Variants in CSMD1 observed in about 807,000 individuals in gnomAD.
CSMD1 encodes the protein CUB and sushi domain-containing protein 1.
A neutral mutation model predicts 417.5 loss-of-function variants in CSMD1; 213 were observed. The ratio of observed to expected loss-of-function variants is 0.51; its 90% confidence interval spans 0.46 to 0.57. The LOEUF (loss-of-function observed/expected upper bound fraction) is 0.57, where lower values mean the gene tolerates loss of function less well. Ranked by LOEUF, CSMD1 falls within the 20% of genes least tolerant of loss-of-function variation. CSMD1 has a pLI of 0.00. For synonymous variants in CSMD1, 2,862 were observed against 1,736.8 expected, an observed-to-expected ratio of 1.65 and a Z score of -16.11; for missense variants, 6,923 against 4,529.7, an observed-to-expected ratio of 1.53 and a Z score of -15.17.
At chr8:4,317,829 G>C (rs999832955) in intron 3 of CSMD1, among the ~76,000 whole-genome samples, 1 of 152,104 alleles carries the variant, frequency 6.6e-6, no homozygotes, top group African/African-American at 2.4e-5. Context: ...GTAATTATTT[G>C]TTTAATGTAT....
intron 5 of CSMD1, among the ~76,000 whole-genome samples, chr8:3,904,565 G>C (rs989768695): frequency 1.3e-5 from 2 of 151,882 alleles, no homozygotes; most frequent in South Asian, 2.1e-4. Context: ...ACACACTTTG[G>C]AGAGTTGGGA....
At chr8:4,870,495 T>G (rs192335445) in intron 1 of CSMD1, among the ~76,000 whole-genome samples, 1 of 152,138 alleles carries the variant, frequency 6.6e-6, no homozygotes, top group Admixed American at 6.5e-5. Context: ...CATGTTTGGG[T>G]TTTCACTGTC....
At chr8:3,164,107 G>T (rs1176194260) in intron 37 of CSMD1, among the ~76,000 whole-genome samples, 1 of 152,142 alleles carries the variant, frequency 6.6e-6, no homozygotes, top group Non-Finnish European at 1.5e-5. Flanking sequence ...ATCTGAGAGG[G>T]CGAAATGGAG....
chr8:4,142,060 T>A (rs548468282), intron 3 of CSMD1, among the ~76,000 whole-genome samples: 1 of 100,726 alleles, frequency 9.9e-6, no homozygotes, highest in African/African-American at 2.8e-5. Context: ...AATATATAAG[T>A]TGAAAAAAAA....
In CSMD1 at chr8:3,783,211, C is replaced by T. The variant is rs538214932; in HGVS notation, c.819-29169G>A. 6.6e-5 allele frequency among the ~76,000 whole-genome samples: 10 copies of T among 152,286 alleles called. No individual in the cohort carries two copies. The East Asian group carries it at 1.9e-3, about 29-fold the overall frequency. ...GTTCAATCACCATTCTTTCTTGTTC[C>T]TGGATAGCAGTGCATGGTCAGGCCG... On this transcript the variant is annotated intron_variant, in intron 5 of 69. Transcript: ENST00000635120.
chr8:4,079,162 A>G (rs747896315), intron 3 of CSMD1, among the ~76,000 whole-genome samples: 1 of 151,982 alleles, frequency 6.6e-6, no homozygotes, highest in Non-Finnish European at 1.5e-5. Context: ...AAAAAGACAC[A>G]GTATAAATTG....
intron 2 of CSMD1, among the ~76,000 whole-genome samples, chr8:4,588,942 G>C (rs1024381874): frequency 6.6e-6 from 1 of 151,974 alleles, no homozygotes; most frequent in Non-Finnish European, 1.5e-5. Context: ...CATATACATT[G>C]CCTTTAAGTA....
At chr8:4,409,634 CTTT>C (rs201131346) in intron 3 of CSMD1, among the ~76,000 whole-genome samples, 5 of 80,348 alleles carry the variant, frequency 6.2e-5, no homozygotes, top group Admixed American at 4.0e-4. Flanking sequence ...CATTATTTGA[CTTT>C]TTTTCTTTTT....
At chr8:4,467,163 G>C (rs1279262057) in intron 2 of CSMD1, among the ~76,000 whole-genome samples, 1 of 146,574 alleles carries the variant, frequency 6.8e-6, no homozygotes, top group Non-Finnish European at 1.5e-5. Flanking sequence ...AAAAACAAAT[G>C]TTGACAACTC....
At chr8:3,703,721 G>C (rs1010884336) in intron 7 of CSMD1, among the ~76,000 whole-genome samples, 2 of 152,144 alleles carry the variant, frequency 1.3e-5, no homozygotes, top group African/African-American at 2.4e-5. Flanking sequence ...CATCTTTCAA[G>C]TGAAAAAAGC....
At chr8:4,197,802 C>T (rs1443799608) in intron 3 of CSMD1, among the ~76,000 whole-genome samples, 1 of 152,136 alleles carries the variant, frequency 6.6e-6, no homozygotes, top group Non-Finnish European at 1.5e-5. Context: ...TTGCTTGAAC[C>T]CAGGAGGCAG....
intron 3 of CSMD1, among the ~76,000 whole-genome samples, chr8:4,139,784 G>A (rs13248800): frequency 0.29 from 44,435 of 150,860 alleles, 8,324 homozygotes; most frequent in Non-Finnish European, 0.39. Context: ...TTTGCACACT[G>A]AGCTCAGTGT....
At chr8:4,541,060 C>T (rs1797360226) in intron 2 of CSMD1, among the ~76,000 whole-genome samples, 1 of 152,162 alleles carries the variant, frequency 6.6e-6, no homozygotes, top group Non-Finnish European at 1.5e-5. Context: ...TTGTTAGAAA[C>T]TCTAAGGACA....
At chr8:4,833,327 G>A (rs992077895) in intron 1 of CSMD1, among the ~76,000 whole-genome samples, 2 of 152,168 alleles carry the variant, frequency 1.3e-5, no homozygotes, top group South Asian at 4.1e-4. Context: ...TCTTCATGTG[G>A]CAGCAGAAGA....
At chr8:4,122,929 T>A (rs1258836509) in intron 3 of CSMD1, among the ~76,000 whole-genome samples, 1 of 152,204 alleles carries the variant, frequency 6.6e-6, no homozygotes, top group East Asian at 1.9e-4. Context: ...AAATCCACGT[T>A]AAATTCTAGG....
Position 3,214,560 on chromosome 8 carries a change from T to C in CSMD1, c.4804A>G (p.Ile1602Val). The C allele has an allele frequency of 6.3e-7, 1 of 1,592,936 alleles. No individual in the cohort carries two copies. Residue 1602 changes from isoleucine to valine, a missense_variant, in exon 30 of 70, where the codon ATC becomes GTC. Coordinates refer to ENST00000635120, the MANE Select transcript of CSMD1 (RefSeq NM_033225.6). The stretch of plus-strand genomic sequence containing the variant: ...CCATCAGCCCCAATCACACAGGTGA[T>C]GGATGAGGGGTCAAGAATCTTATAG... Reference protein sequence around the residue: ...SGYKILDPSSITCVIGADGKP... With the variant: ...SGYKILDPSSVTCVIGADGKP...
intron 1 of CSMD1, among the ~76,000 whole-genome samples, chr8:4,895,600 C>T (rs1200356976): frequency 2.0e-5 from 3 of 151,876 alleles, no homozygotes; most frequent in Admixed American, 2.0e-4. Context: ...TATTCGGGGG[C>T]TTCTTTTTAT....
chr8:3,647,524 A>C, intron 7 of CSMD1, among the ~76,000 whole-genome samples: 1 of 152,236 alleles, frequency 6.6e-6, no homozygotes, highest in East Asian at 1.9e-4. Context: ...AATATAGCAT[A>C]AAGAGAAATA....
At chr8:4,298,903 T>C (rs1365890990) in intron 3 of CSMD1, among the ~76,000 whole-genome samples, 2 of 152,062 alleles carry the variant, frequency 1.3e-5, no homozygotes, top group Non-Finnish European at 2.9e-5. Flanking sequence ...TTACATCATA[T>C]ATATGTATAT....
Sources: allele counts gnomAD v4.1 joint callset (sites outside exome capture counted in the v4.1 genomes callset), GRCh38; gene constraint gnomAD v4.1.1; transcripts MANE v1.5; gene names NCBI Gene and HGNC (gene_info 2026-07-23, HGNC 2026-07-21).